Variants in TMEM63C observed in about 807,000 individuals in gnomAD.
TMEM63C encodes osmosensitive cation channel TMEM63C.
A neutral mutation model predicts 99.2 loss-of-function variants in TMEM63C; 32 were observed. The ratio of observed to expected loss-of-function variants is 0.32; its 90% CI spans 0.24 to 0.43. The LOEUF is 0.43. Among genes scored for constraint, TMEM63C ranks in the 20% least tolerant of loss-of-function variants. TMEM63C has a pLI of 1.00. For synonymous variants in TMEM63C, 376 were observed against 397.9 expected (o/e 0.94, Z 0.66); for missense variants, 826 against 1,053.0 (o/e 0.78, Z 2.98).
At chr14:77,228,683 C>A (rs1888878612) in intron 6 of TMEM63C, among the ~76,000 whole-genome samples, 1 of 151,920 alleles carries the variant, frequency 6.6e-6, no homozygotes, top group Non-Finnish European at 1.5e-5. Flanking sequence ...ATTACAGGCA[C>A]GTGCCACCAT....
intron 14 of TMEM63C, 54 bp downstream of exon 14, chr14:77,242,523 G>A (rs1889196028): frequency 6.2e-7 from 1 of 1,600,080 alleles, no homozygotes; most frequent in Admixed American, 1.7e-5. Flanking sequence ...GACTGAAGAA[G>A]GCAGCAGGAC....
At chr14:77,240,324 TG>T in intron 12 of TMEM63C, 150 bp from the exon 13 acceptor site, 1 of 810,382 alleles carries the variant, frequency 1.2e-6, no homozygotes, top group Non-Finnish European at 1.9e-6. Context: ...GTTCTAGAGG[TG>T]GGACTTTGGA....
intron 21 of TMEM63C, among the ~76,000 whole-genome samples, chr14:77,251,279 AAAC>A (rs1889354180): frequency 6.6e-6 from 1 of 152,248 alleles, no homozygotes; most frequent in Admixed American, 6.5e-5. Context: ...AGCATAATTT[AAAC>A]AACATTTACC....
chr14:77,249,755 T>TA (rs1889326636), intron 21 of TMEM63C, among the ~76,000 whole-genome samples: 1 of 152,200 alleles, frequency 6.6e-6, no homozygotes, highest in African/African-American at 2.4e-5. Context: ...GGGTGGAAAA[T>TA]AGAGTATCAG....
intron 16 of TMEM63C, 50 bp from the exon 17 acceptor site, chr14:77,245,890 G>A (rs1277146200): frequency 7.1e-7 from 1 of 1,417,670 alleles, no homozygotes; most frequent in Admixed American, 1.7e-5. Context: ...TAGGCCTTTG[G>A]TTCTTATTAG....
At chr14:77,188,897 A>T (rs572385668) in intron 1 of TMEM63C, among the ~76,000 whole-genome samples, 1 of 152,186 alleles carries the variant, frequency 6.6e-6, no homozygotes, top group Non-Finnish European at 1.5e-5. Context: ...GCAAGAATAG[A>T]ATAATGAATA....
At chr14:77,240,731 A>T in intron 13 of TMEM63C, 123 bp downstream of exon 13, 3 of 1,261,764 alleles carry the variant, frequency 2.4e-6, no homozygotes, top group Non-Finnish European at 3.2e-6. Flanking sequence ...CGTCACAGGC[A>T]GCTGCCATCT....
At chr14:77,209,639 C>T (rs1440827036) in intron 1 of TMEM63C, among the ~76,000 whole-genome samples, 1 of 152,130 alleles carries the variant, frequency 6.6e-6, no homozygotes, top group African/African-American at 2.4e-5. Flanking sequence ...GAACAAGGTT[C>T]AGACAGGGCT....
intron 8 of TMEM63C, 133 bp from the exon 9 acceptor site, chr14:77,236,491 G>T (rs423656): frequency 0.077 from 49,651 of 642,522 alleles, 2,346 homozygotes; most frequent in Admixed American, 0.14. Flanking sequence ...GATGGTTGTG[G>T]GGGTCTGAGG....
intron 6 of TMEM63C, among the ~76,000 whole-genome samples, chr14:77,227,636 G>A (rs755554518): frequency 1.2e-4 from 18 of 152,232 alleles, no homozygotes; most frequent in Non-Finnish European, 1.2e-4. Flanking sequence ...GTGCCTCATC[G>A]AGGCGGGAGG....
chr14:77,244,952 A>G (rs1889243500), intron 16 of TMEM63C, among the ~76,000 whole-genome samples: 1 of 152,330 alleles, frequency 6.6e-6, no homozygotes, highest in African/African-American at 2.4e-5. Context: ...GTTAGCCTTG[A>G]TGGTTCTATG....
chr14:77,229,922 C>T (rs9323638), intron 6 of TMEM63C, among the ~76,000 whole-genome samples: 45,615 of 151,662 alleles, frequency 0.3, 7,883 homozygotes, highest in East Asian at 0.58. Flanking sequence ...CAGCTCGGCC[C>T]GGCATGGTGG....
chr14:77,183,009 C>G (rs1203613149), intron 1 of TMEM63C, among the ~76,000 whole-genome samples: 1 of 152,198 alleles, frequency 6.6e-6, no homozygotes, highest in Non-Finnish European at 1.5e-5. Context: ...GCCCCTGTCC[C>G]TGGGAGAAAT....
chr14:77,249,525 C>A, intron 21 of TMEM63C, 67 bp downstream of exon 21: 1 of 1,553,492 alleles, frequency 6.4e-7, no homozygotes, highest in Admixed American at 1.8e-5. Flanking sequence ...TCCCTTAACA[C>A]TGACCCTGTT....
intron 13 of TMEM63C, 143 bp downstream of exon 13, chr14:77,240,751 G>T: frequency 9.0e-7 from 1 of 1,114,040 alleles, no homozygotes; most frequent in Non-Finnish European, 1.3e-6. Context: ...TGGCTCTCCA[G>T]TGGATGAGAT....
intron 18 of TMEM63C, among the ~76,000 whole-genome samples, chr14:77,247,659 G>A (rs527948938): frequency 1.3e-5 from 2 of 152,290 alleles, no homozygotes; most frequent in African/African-American, 2.4e-5. Context: ...TGCCAATTTC[G>A]ATTTTTTTGT....
At chr14:77,248,538 C>T in intron 19 of TMEM63C, 29 bp downstream of exon 19, 1 of 1,562,970 alleles carries the variant, frequency 6.4e-7, no homozygotes, top group Non-Finnish European at 8.7e-7. Flanking sequence ...CTGAGCACAG[C>T]CCTCAGTTTC....
chr14:77,236,873 A>G (rs774329343), intron 9 of TMEM63C, 141 bp downstream of exon 9: 11 of 642,428 alleles, frequency 1.7e-5, no homozygotes, highest in Non-Finnish European at 3.1e-5. Flanking sequence ...TCACCTGAGC[A>G]GGGGCCAAGC....
At chr14:77,240,650 C>G in intron 13 of TMEM63C, 42 bp downstream of exon 13, 2 of 1,595,270 alleles carry the variant, frequency 1.3e-6, no homozygotes, top group Admixed American at 1.7e-5. Context: ...CAAGCATACT[C>G]CTGCTTCTCG....
Sources: allele counts gnomAD v4.1 joint callset (sites outside exome capture counted in the v4.1 genomes callset), GRCh38; gene constraint gnomAD v4.1.1; transcripts MANE v1.5; gene names NCBI Gene and HGNC (gene_info 2026-07-23, HGNC 2026-07-21).